The following ANXA11 variants were observed in gnomAD, a reference collection of about 807,000 sequenced individuals.
ANXA11 encodes the protein 56 kDa autoantigen.
ANXA11 carries 57 observed loss-of-function variants against 64.7 expected under a neutral mutation model. That is an observed-to-expected ratio of 0.88 (90% CI 0.71 to 1.10). The LOEUF (loss-of-function observed/expected upper bound fraction) is 1.10. Ranked by LOEUF, ANXA11 falls within the 50% of genes least tolerant of loss-of-function variation. The pLI is 0.00. For synonymous variants in ANXA11, 260 were observed against 265.2 expected (o/e 0.98, Z 0.19); for missense variants, 675 against 670.7 (o/e 1.01, Z -0.07).
At chr10:80,161,837 C>T in intron 12 of ANXA11, 98 bp downstream of exon 12, 1 of 1,072,248 alleles carries the variant, frequency 9.3e-7, no homozygotes. Flanking sequence ...AAGCCCCACG[C>T]AGGGAGGAAC....
intron 1 of ANXA11, among the ~76,000 whole-genome samples, chr10:80,184,783 G>A (rs987000705): frequency 1.2e-4 from 18 of 152,286 alleles, no homozygotes; most frequent in African/African-American, 4.1e-4. Context: ...GGACCACTGA[G>A]CTCTACCTAG....
At position 80,167,281 on chromosome 10, in the gene ANXA11, G is replaced by A. The variant is rs754293239; in HGVS notation, c.594C>T (p.Pro198=). The A allele has an allele frequency of 5.6e-5, 91 of 1,614,004 alleles. No individual in the cohort carries two copies. The highest frequency in any genetic ancestry group is 5.6e-4 in the African/African-American group (42 of 74,912). ...FGSRGTITDA[P]GFDPLRDAEV... Reference sequence around the variant, plus strand: ...CGGCATCTCGCAGGGGGTCAAAGCCGGGAGCATCAGTGATGGTGCCTCGGC... The same window carrying A: ...CGGCATCTCGCAGGGGGTCAAAGCCAGGAGCATCAGTGATGGTGCCTCGGC... The change falls in exon 6 of 16, where the codon CCC becomes CCT. Residue 198 remains proline, a synonymous_variant. Transcript: ENST00000422982.
At chr10:80,199,095 C>CTTTT (rs71482767) in intron 1 of ANXA11, among the ~76,000 whole-genome samples, 4 of 133,508 alleles carry the variant, frequency 3.0e-5, no homozygotes, top group African/African-American at 1.1e-4. Flanking sequence ...TCAAGATAAA[C>CTTTT]TTTTTTTTTT....
At chr10:80,174,952 T>C (rs558150455) in intron 2 of ANXA11, among the ~76,000 whole-genome samples, 1 of 152,320 alleles carries the variant, frequency 6.6e-6, no homozygotes, top group East Asian at 1.9e-4. Context: ...TGTAGTCATT[T>C]GTTTGGGTCA....
chr10:80,184,722 C>T (rs967788488), intron 1 of ANXA11, among the ~76,000 whole-genome samples: 22 of 152,134 alleles, frequency 1.4e-4, no homozygotes, highest in Admixed American at 5.2e-4. Flanking sequence ...CTTGAGGGGG[C>T]ACTTGTCAAT....
chr10:80,189,835 T>G (rs1349103168), intron 1 of ANXA11, among the ~76,000 whole-genome samples: 2 of 152,174 alleles, frequency 1.3e-5, no homozygotes, highest in Admixed American at 1.3e-4. Context: ...AGCAGCCTCA[T>G]TCACAGTAGT....
intron 1 of ANXA11, among the ~76,000 whole-genome samples, chr10:80,187,585 A>T (rs1846595885): frequency 1.3e-5 from 2 of 149,348 alleles, no homozygotes; most frequent in East Asian, 1.9e-4. Context: ...TCTCTCTCTC[A>T]CACACTCCCA....
chr10:80,172,421 C>T (rs1169500993), intron 3 of ANXA11, among the ~76,000 whole-genome samples: 1 of 152,202 alleles, frequency 6.6e-6, no homozygotes, highest in Non-Finnish European at 1.5e-5. Flanking sequence ...CACCGTGTCG[C>T]TCTGCCTGCC....
chr10:80,174,007 C>T (rs1345532623), intron 2 of ANXA11, among the ~76,000 whole-genome samples: 2 of 152,212 alleles, frequency 1.3e-5, no homozygotes, highest in Non-Finnish European at 2.9e-5. Flanking sequence ...CGCTATCCAA[C>T]TATAAGAGTC....
chr10:80,156,507 AATT>A (rs757776061), intron 15 of ANXA11: 4 of 468,622 alleles, frequency 8.5e-6, no homozygotes, highest in African/African-American at 4.0e-5. Context: ...CTCTGTAATG[AATT>A]ATTAACTCTC....
chr10:80,173,348 C>G lies in ANXA11; in HGVS notation c.-8-479G>C, dbSNP rs1462001193. Among the ~76,000 whole-genome samples, 3 of 152,330 alleles carry G rather than the reference C, an allele frequency of 2.0e-5. No individual in the cohort carries two copies. The East Asian group carries it at 5.8e-4, about 29-fold the overall frequency. Reference sequence around the variant, plus strand: ...AGAGGCCCCTGTCTCTCTTCATTCTCCAACCTCTGGTTCATCAGGCAAGGG... The same window carrying G: ...AGAGGCCCCTGTCTCTCTTCATTCTGCAACCTCTGGTTCATCAGGCAAGGG... On this transcript the variant is annotated intron_variant, in intron 2 of 15. Transcript: ENST00000422982.
Position 80,163,582 on chromosome 10 carries a change from T to C in ANXA11, c.981A>G (p.Arg327=). The part of the protein sequence containing the change: ...EFKKTLEEAI[R]SDTSGHFQRL... ...GCTGGAAGTGCCCTGATGTGTCGCT[T>C]CGAATGGCCTCTTCCAGGGTCTTTT... Residue 327 remains arginine, a synonymous_variant, in exon 10 of 16, where the codon CGA becomes CGG. Transcript: ENST00000422982. 1 of 1,564,008 alleles carries C rather than the reference T, an allele frequency of 6.4e-7. No homozygotes were observed. The highest frequency in any genetic ancestry group is 2.4e-5 in the East Asian group (1 of 42,310).
intron 4 of ANXA11, 107 bp from the exon 5 acceptor site, chr10:80,169,465 G>T: frequency 7.6e-7 from 1 of 1,324,038 alleles, no homozygotes; most frequent in Non-Finnish European, 1.0e-6. Context: ...ATCTCCGCTT[G>T]TGGAATATGA....
At chr10:80,166,754 G>A (rs763051065) in intron 7 of ANXA11, 136 bp downstream of exon 7, 36 of 701,856 alleles carry the variant, frequency 5.1e-5, no homozygotes, top group Non-Finnish European at 7.0e-5. Flanking sequence ...AGCTGGATGG[G>A]CAGAAGGAAA....
chr10:80,170,160 C>T (rs1845915854), intron 4 of ANXA11, among the ~76,000 whole-genome samples: 1 of 152,080 alleles, frequency 6.6e-6, no homozygotes. Context: ...CTGTCTTTTC[C>T]CCATAGATGA....
chr10:80,166,006 G>T, intron 8 of ANXA11, 78 bp downstream of exon 8: 1 of 895,072 alleles, frequency 1.1e-6, no homozygotes, highest in Non-Finnish European at 1.7e-6. Flanking sequence ...TCTGGGCTGT[G>T]TGTCCACACG....
chr10:80,192,203 T>C (rs1846807790), intron 1 of ANXA11, among the ~76,000 whole-genome samples: 1 of 152,194 alleles, frequency 6.6e-6, no homozygotes, highest in Non-Finnish European at 1.5e-5. Flanking sequence ...AGATTAATTT[T>C]GCAATATTGG....
chr10:80,156,553 A>G, intron 15 of ANXA11: 1 of 452,796 alleles, frequency 2.2e-6, no homozygotes, highest in Non-Finnish European at 4.5e-6. Flanking sequence ...TCACTCTGTC[A>G]CCAAGACTGA....
chr10:80,158,980 A>G, intron 13 of ANXA11, 120 bp downstream of exon 13: 1 of 751,708 alleles, frequency 1.3e-6, no homozygotes. Flanking sequence ...GGGCTGAGCG[A>G]TCTTGGATCC....
Sources: gnomAD v4.1 joint callset for allele counts (sites outside exome capture counted in the v4.1 genomes callset) on GRCh38, gnomAD v4.1.1 for gene constraint, MANE v1.5 for transcripts, NCBI Gene and HGNC (gene_info 2026-07-23, HGNC 2026-07-21) for gene names.